Variants in LRP1B observed in about 807,000 individuals in gnomAD.
LRP1B encodes the protein low-density lipoprotein receptor-related protein 1B.
A neutral mutation model predicts 556.6 loss-of-function variants in LRP1B; 217 were observed. That is an observed-to-expected ratio of 0.39 (90% confidence interval 0.35 to 0.44). The LOEUF (loss-of-function observed/expected upper bound fraction) is 0.44, where lower values mean the gene tolerates loss of function less well. Among genes scored for constraint, LRP1B ranks in the 20% least tolerant of loss-of-function variants. LRP1B has a pLI of 1.00. For missense variants in LRP1B, 5,053 were observed against 5,620.8 expected, an observed-to-expected ratio of 0.90 and a Z score of 3.23; for synonymous variants, 2,047 against 1,865.8, an observed-to-expected ratio of 1.10 and a Z score of -2.50.
chr2:141,172,819 A>T (rs1680564318), intron 7 of LRP1B, among the ~76,000 whole-genome samples: 1 of 152,038 alleles, frequency 6.6e-6, no homozygotes, highest in Non-Finnish European at 1.5e-5. Context: ...TATGCTCCTT[A>T]TCCTCTGTGA....
intron 2 of LRP1B, among the ~76,000 whole-genome samples, chr2:141,784,887 C>T (rs1243212716): frequency 3.9e-5 from 6 of 151,956 alleles, no homozygotes; most frequent in Middle Eastern, 3.4e-3. Context: ...TGTGTACTAC[C>T]TTTGGTTTTC....
chr2:141,771,588 G>A (rs1367725233), intron 2 of LRP1B, among the ~76,000 whole-genome samples: 1 of 152,068 alleles, frequency 6.6e-6, no homozygotes, highest in Non-Finnish European at 1.5e-5. Context: ...CATAATTCTA[G>A]GACCTTTTTT....
intron 3 of LRP1B, among the ~76,000 whole-genome samples, chr2:141,422,433 A>T (rs938985725): frequency 3.9e-5 from 6 of 152,218 alleles, no homozygotes; most frequent in African/African-American, 1.4e-4. Context: ...CTGTCTTTAA[A>T]TCTATTGTAG....
At chr2:140,602,931 T>C (rs1270115418) in intron 41 of LRP1B, among the ~76,000 whole-genome samples, 2 of 151,974 alleles carry the variant, frequency 1.3e-5, no homozygotes, top group African/African-American at 4.8e-5. Flanking sequence ...CTGAAACTTA[T>C]AGTCACAGGG....
chr2:140,475,089 T>A, intron 60 of LRP1B, 49 bp downstream of exon 60: 1 of 914,830 alleles, frequency 1.1e-6, no homozygotes, highest in Non-Finnish European at 1.5e-6. Flanking sequence ...TTTAAATAAA[T>A]ATTTTATGAC....
chr2:141,488,965 G>GTTT (rs751786929), intron 2 of LRP1B, among the ~76,000 whole-genome samples: 8 of 110,960 alleles, frequency 7.2e-5, no homozygotes, highest in African/African-American at 2.5e-4. Flanking sequence ...ACATGGGTTT[G>GTTT]TTTTTTTTTG....
intron 31 of LRP1B, among the ~76,000 whole-genome samples, chr2:140,817,620 A>G (rs1244498438): frequency 6.6e-6 from 1 of 151,974 alleles, no homozygotes; most frequent in Non-Finnish European, 1.5e-5. Flanking sequence ...AAAATAATGT[A>G]ATTTACCTAC....
In LRP1B at chr2:141,451,621, T is replaced by C. The variant is rs554991507; in HGVS notation, c.343+28775A>G. 3.9e-5 allele frequency among the ~76,000 whole-genome samples: 6 copies of C among 152,270 alleles called. No individual in the cohort carries two copies. The East Asian group carries it at 7.7e-4, about 20-fold the overall frequency. The stretch of plus-strand genomic sequence containing the variant: ...TATTTTCTTGTTCTCATAGAAGTTA[T>C]ACGTTATAAAAAAAACTGGCCACAA... On this transcript the variant is annotated intron_variant, in intron 3 of 90. Transcript: ENST00000389484.
chr2:141,798,641 A>T (rs1266773753), intron 2 of LRP1B, among the ~76,000 whole-genome samples: 2 of 147,852 alleles, frequency 1.4e-5, no homozygotes, highest in Admixed American at 6.9e-5. Flanking sequence ...CGGGAGGTAG[A>T]CATTGCAGGG....
intron 7 of LRP1B, among the ~76,000 whole-genome samples, chr2:141,175,159 G>A (rs1680681249): frequency 6.6e-6 from 1 of 152,072 alleles, no homozygotes; most frequent in Admixed American, 6.6e-5. Flanking sequence ...ATCTGAAAAT[G>A]GAACTTATAT....
At chr2:140,863,440 C>A (rs571856967) in intron 27 of LRP1B, among the ~76,000 whole-genome samples, 1 of 152,302 alleles carries the variant, frequency 6.6e-6, no homozygotes, top group African/African-American at 2.4e-5. Flanking sequence ...GTAACGCCCC[C>A]CAATATGTGT....
At chr2:140,871,787 T>G (rs1693136884) in intron 25 of LRP1B, among the ~76,000 whole-genome samples, 1 of 152,120 alleles carries the variant, frequency 6.6e-6, no homozygotes, top group African/African-American at 2.4e-5. Context: ...AGGGTCTGCC[T>G]TCTTTTTTTT....
At chr2:141,642,931 G>T (rs1321375404) in intron 2 of LRP1B, among the ~76,000 whole-genome samples, 2 of 152,018 alleles carry the variant, frequency 1.3e-5, no homozygotes, top group Non-Finnish European at 2.9e-5. Context: ...TGAAAGCACT[G>T]GTTGCCAATA....
At chr2:141,996,466 T>G (rs572623607) in intron 1 of LRP1B, among the ~76,000 whole-genome samples, 1 of 152,266 alleles carries the variant, frequency 6.6e-6, no homozygotes, top group Non-Finnish European at 1.5e-5. Context: ...AAGGTAGTAC[T>G]GAGGTTAAAT....
chr2:140,988,762 TTAATA>T (rs1697003729), intron 17 of LRP1B, among the ~76,000 whole-genome samples: 1 of 152,156 alleles, frequency 6.6e-6, no homozygotes, highest in South Asian at 2.1e-4. Flanking sequence ...GATGGGGTGA[TTAATA>T]TGTTTTGATG....
chr2:140,562,314 T>A (rs1037143004), intron 43 of LRP1B, among the ~76,000 whole-genome samples: 1 of 152,184 alleles, frequency 6.6e-6, no homozygotes, highest in Admixed American at 6.5e-5. Context: ...TTTGCAATAA[T>A]GGAAACTGAT....
intron 2 of LRP1B, among the ~76,000 whole-genome samples, chr2:141,651,705 ACTTT>A (rs1407878028): frequency 1.3e-5 from 2 of 152,164 alleles, no homozygotes; most frequent in African/African-American, 4.8e-5. Context: ...GACATATTAA[ACTTT>A]CTTTATTGCT....
At chr2:140,902,804 A>T in intron 23 of LRP1B, 116 bp downstream of exon 23, 2 of 1,092,452 alleles carry the variant, frequency 1.8e-6, no homozygotes, top group Non-Finnish European at 2.6e-6. Context: ...ATTATAGTTA[A>T]ATGCTTTATC....
intron 7 of LRP1B, among the ~76,000 whole-genome samples, chr2:141,184,379 A>G (rs1268398320): frequency 6.6e-6 from 1 of 151,920 alleles, no homozygotes; most frequent in Non-Finnish European, 1.5e-5. Flanking sequence ...CCATCAAAAA[A>G]ATCATCTGAC....
Sources: gnomAD v4.1 joint callset for allele counts (sites outside exome capture counted in the v4.1 genomes callset) on GRCh38, gnomAD v4.1.1 for gene constraint, MANE v1.5 for transcripts, NCBI Gene and HGNC (gene_info 2026-07-23, HGNC 2026-07-21) for gene names.